Variants in C19orf67 observed in about 807,000 individuals in gnomAD.
C19orf67 encodes the protein UPF0575 protein C19orf67.
Under a neutral mutation model 41.4 loss-of-function variants are expected in C19orf67, and 28 were observed. The observed-to-expected ratio is 0.68, with a 90% CI of 0.50 to 0.93. The LOEUF (loss-of-function observed/expected upper bound fraction) is 0.93. Ranked by LOEUF, C19orf67 falls within the 40% of genes least tolerant of loss-of-function variation. The pLI is 0.00. For synonymous variants in C19orf67, 242 were observed against 203.4 expected, an observed-to-expected ratio of 1.19 and a Z score of -1.62; for missense variants, 421 against 467.0, an observed-to-expected ratio of 0.90 and a Z score of 0.91.
rs1029167445 is a variant in C19orf67 at position 14,083,582 on chromosome 19, C to T, written c.504G>A (p.Leu168=). 1 of 1,535,904 alleles carries T rather than the reference C, an allele frequency of 6.5e-7. No individual in the cohort carries two copies. The highest frequency in any genetic ancestry group is 8.7e-7 in the Non-Finnish European group (1 of 1,146,902). Residue 168 remains leucine, a synonymous_variant, in exon 3 of 6, where the codon CTG becomes CTA. Transcript: ENST00000548523. ...GGACCAGCTGTTCCAGGCGCAGGGT[C>T]AGCTGTTGGGAGATCTCTAACAGCT... ...RKGLLEISQQ[L]TLRLEQLVLM...
rs115258659 is a variant in C19orf67 at position 14,082,378 on chromosome 19, G to A, written c.902+91C>T. 5.1e-4 allele frequency: 710 copies of A among 1,387,674 alleles called. 3 individuals carry two copies. In the African/African-American group the frequency reaches 9.5e-3, roughly 19 times the overall value. The allele number at this position is 1,387,674 out of a possible 1,614,324, so 86.0% of individuals were successfully genotyped here. A position where few individuals can be genotyped will look rare whatever the true frequency, so the allele number is the denominator to read the frequency against. On this transcript the variant is annotated intron_variant, in intron 5 of 5. Transcript: ENST00000548523. ...TAAAATGCTATCACTACTAAGGGAA[G>A]CAAAGTGTTTGGGAAGGTGGATTGT...
Position 14,082,027 on chromosome 19 carries a change from G to A in C19orf67, c.903-19C>T, listed in dbSNP as rs776112234. 426 of 1,477,490 alleles carry A rather than the reference G, an allele frequency of 2.9e-4. No individual in the cohort carries two copies. Among genetic ancestry groups the A allele is most frequent in the Non-Finnish European group, 5.7e-5 (64 of 1,114,016 alleles). The allele number at this position is 1,477,490 out of a possible 1,614,324, so 91.5% of individuals were successfully genotyped here. A position where few individuals can be genotyped will look rare whatever the true frequency, so the allele number is the denominator to read the frequency against. On this transcript the variant is annotated intron_variant, in intron 5 of 5. Transcript: ENST00000548523. The stretch of plus-strand genomic sequence containing the variant: ...CAAAATCCTGGGGTGGGGGGGCCAG[G>A]GATAGACAGGCCTGGACTTGAGTGC...
rs1182053221 is a variant in C19orf67 at position 14,085,466 on chromosome 19, G to C, written c.162C>G (p.Ala54=). ...GNPSEPDPED[A]EGRLAEARAS... is the part of the protein sequence containing the mutation. ...CCCGGGCCTCAGCCAGCCGCCCCTC[G>C]GCATCTTCAGGATCCGGCTCAGATG... The change falls in exon 1 of 6, where the codon GCC becomes GCG. Residue 54 remains alanine (A), a synonymous_variant. Transcript: ENST00000548523. The C allele has an allele frequency of 3.3e-6, 5 of 1,535,446 alleles. No individual in the cohort carries two copies. Among genetic ancestry groups the C allele is most frequent in the Non-Finnish European group, 3.5e-6 (4 of 1,146,730 alleles).
At chr19:14,082,624 A>G (rs1284263597) in intron 4 of C19orf67, 21 bp from the exon 5 acceptor site, 1 of 1,531,556 alleles carries the variant, frequency 6.5e-7, no homozygotes, top group East Asian at 2.5e-5. Flanking sequence ...AGGGAGCTGT[A>G]ATTAGAAGTG....
In C19orf67 at chr19:14,085,624, C is replaced by G. The variant is rs769914267; in HGVS notation, c.4G>C (p.Ala2Pro). Residue 2 changes from alanine to proline, a missense_variant, in exon 1 of 6, where the codon GCT (alanine) becomes CCT (proline). Physicochemically the swap from Ala to Pro is conservative, Grantham distance 27 (BLOSUM62 -1). Transcript: ENST00000548523. ...GACCCCTCGAACCACTGCTCTGTAG[C>G]CATGGTAGGGCCGGGGGGCGGGAAC... M[A>P]TEQWFEGSLP... The G allele has an allele frequency of 2.3e-5, 35 of 1,532,678 alleles. No homozygotes were observed. Among genetic ancestry groups the G allele is most frequent in the Non-Finnish European group, 3.1e-5 (35 of 1,144,848 alleles). 94.9% of individuals were successfully genotyped at this position (1,532,678 alleles called of 1,614,324 possible). A position where few individuals can be genotyped will look rare whatever the true frequency, so the allele number is the denominator to read the frequency against.
In C19orf67 at chr19:14,082,453, T is replaced by C. The variant is rs1423572869; in HGVS notation, c.902+16A>G. ...TCCAGCTCCCAGGCCCACGTTGCTA[T>C]TGCCCTAGCTCCTACCATGAATAAA... On this transcript the variant is annotated intron_variant, in intron 5 of 5. Transcript: ENST00000548523. The C allele has an allele frequency of 4.0e-6, 6 of 1,516,438 alleles. No individual in the cohort carries two copies. Among genetic ancestry groups the C allele is most frequent in the Admixed American group, 4.1e-5 (2 of 48,254 alleles). The allele number at this position is 1,516,438 out of a possible 1,614,324, so 93.9% of individuals were successfully genotyped here.
Position 14,083,348 on chromosome 19 carries a change from G to A in C19orf67, c.656C>T (p.Pro219Leu), listed in dbSNP as rs1427134401. 9.8e-6 allele frequency: 15 copies of A among 1,535,848 alleles called. No homozygotes were observed. Among genetic ancestry groups the A allele is most frequent in the African/African-American group, 1.4e-5 (1 of 73,012 alleles). Reference protein sequence around the residue: ...HEVSIFRYCAPTAYTASRFPR... With the variant: ...HEVSIFRYCALTAYTASRFPR... The stretch of plus-strand genomic sequence containing the variant: ...GAAGCGGCTGGCAGTGTAGGCGGTT[G>A]GGGCACAGTATCTGAAGATGGAGAC... The change falls in exon 4 of 6, where the codon CCA (proline) becomes CTA (leucine). Residue 219 changes from proline to leucine, a missense_variant. Coordinates refer to ENST00000548523, the MANE Select transcript of C19orf67 (RefSeq NM_001277378.2).
chr19:14,083,476 C>T (rs763034982), intron 3 of C19orf67, 29 bp downstream of exon 3: 217 of 1,532,194 alleles, frequency 1.4e-4, no homozygotes, highest in Middle Eastern at 3.3e-4. Flanking sequence ...ACTCCTTCAT[C>T]CCCCCATCTG....
At position 14,085,283 on chromosome 19, in the gene C19orf67, C is replaced by A. The variant is rs1265660010; in HGVS notation, c.335+10G>T. 6.5e-7 allele frequency: 1 copy of A among 1,535,686 alleles called. No individual in the cohort carries two copies. The highest frequency in any genetic ancestry group is 1.2e-5 in the South Asian group (1 of 83,978). On this transcript the variant is annotated intron_variant, in intron 1 of 5. Coordinates refer to ENST00000548523, the MANE Select transcript of C19orf67 (RefSeq NM_001277378.2). ...TACCCATGGGGACCTGGGACCCTGTCCAGCATCACCTGTAGAGCAAGTAGC... is the reference window on the plus strand; with the variant it reads ...TACCCATGGGGACCTGGGACCCTGTACAGCATCACCTGTAGAGCAAGTAGC...
intron 4 of C19orf67, 103 bp from the exon 5 acceptor site, chr19:14,082,706 C>G: frequency 8.9e-7 from 1 of 1,124,664 alleles, no homozygotes. Flanking sequence ...AGAAGTTGCC[C>G]TGAAGTTCTC....
intron 5 of C19orf67, 124 bp from the exon 6 acceptor site, chr19:14,082,132 A>T: frequency 1.2e-6 from 1 of 831,926 alleles, no homozygotes. Flanking sequence ...GGTGGGAAAA[A>T]CCCCCGGGGG....
chr19:14,083,648 A>G (rs1287695277), intron 2 of C19orf67, 43 bp from the exon 3 acceptor site: 1 of 1,526,104 alleles, frequency 6.6e-7, no homozygotes, highest in Non-Finnish European at 8.8e-7. Flanking sequence ...CTGGCCTGCG[A>G]GGAGTGGGCC....
At position 14,081,840 on chromosome 19, in the gene C19orf67, C is replaced by A; in HGVS notation, c.1071G>T (p.Gly357=). ...CCTACCCTCTTCCCCAGGTTCAAGA[C>A]CCCTGCGCTGCCCACCCCGCAGGCC... ...AAGPAGWAAQ[G]S Residue 357 remains glycine, a synonymous_variant, in exon 6 of 6, where the codon GGG becomes GGT. Transcript: ENST00000548523. 1.3e-6 allele frequency: 2 copies of A among 1,531,590 alleles called. No individual in the cohort carries two copies. Among genetic ancestry groups the A allele is most frequent in the Non-Finnish European group, 8.7e-7 (1 of 1,144,706 alleles). The allele number at this position is 1,531,590 out of a possible 1,614,324, so 94.9% of individuals were successfully genotyped here.
Position 14,081,886 on chromosome 19 carries a change from G to A in C19orf67, c.1025C>T (p.Ala342Val), listed in dbSNP as rs757716524. 1 of 1,534,106 alleles carries A rather than the reference G, an allele frequency of 6.5e-7. No individual in the cohort carries two copies. The highest frequency in any genetic ancestry group is 1.2e-5 in the South Asian group (1 of 83,940). Residue 342 changes from alanine (A) to valine (V), a missense_variant, in exon 6 of 6, where the codon GCC (alanine) becomes GTC (valine). Physicochemically the swap from Ala to Val is moderately conservative, Grantham distance 64. This residue lies in a region of C19orf67 where 253 missense variants were observed against 307.0 expected (regional missense o/e 0.82). Transcript: ENST00000548523. ...VQILTGQAGQ[A>V]RPPSAAGPAG... ...AGGCCCGGCTGCGCTCGGAGGCCGGGCCTGGCCTGCCTGGCCCGTGAGGAT... is the reference window on the plus strand; with the variant it reads ...AGGCCCGGCTGCGCTCGGAGGCCGGACCTGGCCTGCCTGGCCCGTGAGGAT...
chr19:14,083,297 C>T lies in C19orf67; in HGVS notation c.707G>A (p.Arg236His), dbSNP rs1365261968. Residue 236 changes from arginine (R) to histidine (H), a missense_variant, in exon 4 of 6, where the codon CGC becomes CAC. Arg to His is a conservative substitution (Grantham distance 29). This residue lies in a region of C19orf67 where 253 missense variants were observed against 307.0 expected (regional missense o/e 0.82). Coordinates refer to ENST00000548523, the MANE Select transcript of C19orf67 (RefSeq NM_001277378.2). ...RFPRYLYKKM[R>H]WHLEATPEAP... ...CTCTGGGGTGGCTTCCAGGTGCCAG[C>T]GCATCTTCTTATAGAGGTAGCGGGG... is the stretch of plus-strand genomic sequence containing the variant. The T allele has an allele frequency of 5.2e-6, 8 of 1,535,936 alleles. No homozygotes were observed. The highest frequency in any genetic ancestry group is 2.4e-5 in the East Asian group (1 of 40,934).
At chr19:14,082,718 G>T in intron 4 of C19orf67, 115 bp from the exon 5 acceptor site, 1 of 962,172 alleles carries the variant, frequency 1.0e-6, no homozygotes, top group Non-Finnish European at 1.5e-6. Flanking sequence ...GAAGTTCTCA[G>T]GTAGGAATGT....
chr19:14,085,695 C>A lies in C19orf67; in HGVS notation c.-68G>T. ...CTGCTGCTCAGGTTGGCCGCGGGTT[C>A]GACCCCGCCCCGGGAGCCTCCGACT... On this transcript the variant is annotated 5_prime_UTR_variant, in exon 1 of 6. Transcript: ENST00000548523. 1 of 1,214,792 alleles carries A rather than the reference C, an allele frequency of 8.2e-7. No individual in the cohort carries two copies. The highest frequency in any genetic ancestry group is 1.3e-5 in the South Asian group (1 of 74,940). 75.3% of individuals were successfully genotyped at this position (1,214,792 alleles called of 1,614,324 possible). A position where few individuals can be genotyped will look rare whatever the true frequency, so the allele number is the denominator to read the frequency against.
Position 14,085,638 on chromosome 19 carries a change from G to T in C19orf67, c.-11C>A, listed in dbSNP as rs1282729770. On this transcript the variant is annotated 5_prime_UTR_variant, in exon 1 of 6. Transcript: ENST00000548523. ...CTGCTCTGTAGCCATGGTAGGGCCG[G>T]GGGGCGGGAACCTGAGCTCTTTAAG... The T allele has an allele frequency of 6.6e-7, 1 of 1,521,714 alleles. No individual in the cohort carries two copies. 94.3% of individuals were successfully genotyped at this position (1,521,714 alleles called of 1,614,324 possible). A position where few individuals can be genotyped will look rare whatever the true frequency, so the allele number is the denominator to read the frequency against.
At position 14,085,319 on chromosome 19, in the gene C19orf67, A is replaced by C; in HGVS notation, c.309T>G (p.Asp103Glu). Residue 103 changes from aspartate (D) to glutamate (E), a missense_variant, in exon 1 of 6, where the codon GAT (aspartate) becomes GAG (glutamate). Asp to Glu is a conservative substitution (Grantham distance 45). Around this residue, in one of 3 missense-constraint regions of C19orf67, gnomAD observed 160 missense variants for 139.2 expected, o/e 1.15. Transcript: ENST00000548523. ...TGTAGAGCAAGTAGCTCTGGAAATC[A>C]TCTGCCTTCTTCAGTAGGTAGCGCA... is the stretch of plus-strand genomic sequence containing the variant. ...QQLRYLLKKA[D>E]DFQSYLLYSR... is the part of the protein sequence containing the mutation. 1 of 1,536,208 alleles carries C rather than the reference A, an allele frequency of 6.5e-7. No individual in the cohort carries two copies. The highest frequency in any genetic ancestry group is 8.7e-7 in the Non-Finnish European group (1 of 1,146,912).
Sources: allele counts gnomAD v4.1 joint callset, GRCh38; gene constraint gnomAD v4.1.1; regional missense constraint gnomAD v4.1.1; transcripts MANE v1.5; gene names NCBI Gene and HGNC (gene_info 2026-07-23, HGNC 2026-07-21).